The following CSMD2 variants were observed in gnomAD, a reference collection of about 807,000 sequenced individuals.
CSMD2 encodes CUB and sushi domain-containing protein 2.
In CSMD2, 130 loss-of-function variants were observed where a neutral mutation model predicts 398.5. The observed-to-expected ratio is 0.33, with a 90% CI of 0.28 to 0.38. The LOEUF (loss-of-function observed/expected upper bound fraction) is 0.38. Ranked by LOEUF, CSMD2 falls within the 10% of genes least tolerant of loss-of-function variation. The pLI, the probability that CSMD2 is intolerant of heterozygous loss-of-function variation, is 1.00. For synonymous variants in CSMD2, 1,828 were observed against 1,908.5 expected (o/e 0.96, Z 1.10); for missense variants, 3,829 against 4,764.9 (o/e 0.80, Z 5.78).
chr1:33,795,363 G>T (rs1654831213), intron 10 of CSMD2, among the ~76,000 whole-genome samples: 1 of 152,104 alleles, frequency 6.6e-6, no homozygotes, highest in Non-Finnish European at 1.5e-5. Context: ...CTCAGGCTGG[G>T]ATCTCCCACC....
At position 33,709,173 on chromosome 1, in the gene CSMD2, G is replaced by A. The variant is rs1310798170; in HGVS notation, c.3492C>T (p.Cys1164=). Residue 1164 remains cysteine (C), a synonymous_variant, in exon 22 of 71, where the codon TGC becomes TGT. Transcript: ENST00000373381. ...FPVNYNNNHE[C]IYSIQTQPGK... Reference sequence around the variant, plus strand: ...CTGGCTGGGTCTGGATGGAGTAGATGCATTCATGATTGTTATTGTAGTTCA... The same window carrying A: ...CTGGCTGGGTCTGGATGGAGTAGATACATTCATGATTGTTATTGTAGTTCA... The A allele has an allele frequency of 6.2e-7, 1 of 1,613,782 alleles. No individual in the cohort carries two copies. The highest frequency in any genetic ancestry group is 1.3e-5 in the African/African-American group (1 of 74,916).
intron 2 of CSMD2, among the ~76,000 whole-genome samples, chr1:34,083,918 G>C (rs1294181266): frequency 6.6e-6 from 1 of 152,002 alleles, no homozygotes; most frequent in Non-Finnish European, 1.5e-5. Context: ...GTAGAACAAT[G>C]CCTGATACAC....
chr1:33,938,783 C>T (rs1264701030), intron 3 of CSMD2, among the ~76,000 whole-genome samples: 1 of 151,604 alleles, frequency 6.6e-6, no homozygotes, highest in Non-Finnish European at 1.5e-5. Context: ...TCCCCTGCTG[C>T]TGGCTTACTT....
intron 3 of CSMD2, among the ~76,000 whole-genome samples, chr1:34,022,623 A>G (rs1649065723): frequency 6.6e-6 from 1 of 152,172 alleles, no homozygotes; most frequent in South Asian, 2.1e-4. Context: ...CAGAGAACAG[A>G]AGAGAAGAGT....
At position 33,826,981 on chromosome 1, in the gene CSMD2, C is replaced by A. The variant is rs111712038; in HGVS notation, c.1034-1207G>T. Among the ~76,000 whole-genome samples the A allele has an allele frequency of 9.3e-3, 1,416 of 152,330 alleles. 34 individuals carry two copies. Among genetic ancestry groups the A allele is most frequent in the Non-Finnish European group, 7.1e-3 (482 of 68,030 alleles). ...TGCTTTACAAGTTCTTTACTTAAAT[C>A]AGCGTCCTTGACTCCTCTTTCTCAA... On this transcript the variant is annotated intron_variant, in intron 6 of 70. Coordinates refer to ENST00000373381, the MANE Select transcript of CSMD2 (RefSeq NM_001281956.2).
In CSMD2 at chr1:33,622,389, G is replaced by A. The variant is rs1641828908; in HGVS notation, c.5723-118C>T. 5.6e-6 allele frequency: 4 copies of A among 718,462 alleles called. No individual in the cohort carries two copies. The South Asian group carries it at 6.3e-5, about 11-fold the overall frequency. 44.5% of individuals were successfully genotyped at this position (718,462 alleles called of 1,614,324 possible). A position where few individuals can be genotyped will look rare whatever the true frequency, so the allele number is the denominator to read the frequency against. ...CATTCTGCTCCCAAGGCCCCCAGATGTCCCCAGTTATGAAACTCACTAAAT... is the reference window on the plus strand; with the variant it reads ...CATTCTGCTCCCAAGGCCCCCAGATATCCCCAGTTATGAAACTCACTAAAT... On this transcript the variant is annotated intron_variant, in intron 36 of 70. Transcript: ENST00000373381.
chr1:33,646,484 T>C (rs1643434580), intron 29 of CSMD2, among the ~76,000 whole-genome samples, 164 bp downstream of exon 29: 1 of 152,098 alleles, frequency 6.6e-6, no homozygotes, highest in Non-Finnish European at 1.5e-5. Context: ...TAAGCCCAGA[T>C]GGGGGCCGCA....
At chr1:33,865,761 T>C (rs1389378090) in intron 5 of CSMD2, among the ~76,000 whole-genome samples, 2 of 152,240 alleles carry the variant, frequency 1.3e-5, no homozygotes, top group Non-Finnish European at 2.9e-5. Context: ...TCATTGAAGA[T>C]GAACAACACA....
chr1:33,643,051 C>A (rs1643202768), intron 29 of CSMD2, among the ~76,000 whole-genome samples: 1 of 152,278 alleles, frequency 6.6e-6, no homozygotes, highest in East Asian at 1.9e-4. Context: ...AGCCACAGCT[C>A]CCAGGATACC....
intron 13 of CSMD2, among the ~76,000 whole-genome samples, chr1:33,771,769 G>A (rs546960622): frequency 1.9e-3 from 296 of 152,302 alleles, no homozygotes; most frequent in African/African-American, 6.6e-3. Context: ...CTTTCCCTGA[G>A]AGAAGCACAT....
At chr1:33,990,914 C>T (rs1268636926) in intron 3 of CSMD2, among the ~76,000 whole-genome samples, 7 of 151,778 alleles carry the variant, frequency 4.6e-5, no homozygotes, top group African/African-American at 1.5e-4. Context: ...GTAAATATTG[C>T]ATGGGTCATA....
chr1:33,933,372 T>G (rs1644371204), intron 4 of CSMD2, among the ~76,000 whole-genome samples: 1 of 152,156 alleles, frequency 6.6e-6, no homozygotes, highest in Non-Finnish European at 1.5e-5. Flanking sequence ...TATTGCTGAG[T>G]ATTTTACTTC....
intron 47 of CSMD2, among the ~76,000 whole-genome samples, chr1:33,582,281 T>C (rs1638778016): frequency 1.3e-5 from 2 of 152,302 alleles, no homozygotes; most frequent in South Asian, 4.1e-4. Context: ...TGGGAGAGCC[T>C]GGCCTACGGG....
intron 3 of CSMD2, among the ~76,000 whole-genome samples, chr1:34,016,090 T>G (rs1466557218): frequency 3.3e-5 from 5 of 152,106 alleles, no homozygotes; most frequent in Non-Finnish European, 7.4e-5. Flanking sequence ...TTTATATACA[T>G]ATATTTAGTT....
chr1:34,165,832 C>G (rs780436373), upstream of CSMD2: 6 of 1,612,296 alleles, frequency 3.7e-6, no homozygotes, highest in South Asian at 1.1e-5. Context: ...GCCTCCTACC[C>G]CATCCCAGGA....
At chr1:33,710,399 C>CTGAA (rs10632721) in intron 21 of CSMD2, among the ~76,000 whole-genome samples, 7,872 of 151,912 alleles carry the variant, frequency 0.052, 529 homozygotes, top group African/African-American at 0.15. Context: ...TAAATATTTA[C>CTGAA]TGAATGAATG....
chr1:33,739,408 C>T (rs1646986152), intron 14 of CSMD2, 74 bp from the exon 15 acceptor site: 13 of 1,412,182 alleles, frequency 9.2e-6, no homozygotes, highest in Non-Finnish European at 1.2e-5. Context: ...AAATTAGCTT[C>T]CTTGGGATGG....
At chr1:34,104,892 TCA>T (rs1660375437) in intron 1 of CSMD2, among the ~76,000 whole-genome samples, 1 of 152,196 alleles carries the variant, frequency 6.6e-6, no homozygotes, top group African/African-American at 2.4e-5. Flanking sequence ...TGTGCCTCAG[TCA>T]CACCACTAAT....
At chr1:33,933,479 CAAAAAG>C (rs1168453188) in intron 4 of CSMD2, among the ~76,000 whole-genome samples, 7 of 151,956 alleles carry the variant, frequency 4.6e-5, no homozygotes, top group Non-Finnish European at 8.8e-5. Flanking sequence ...TATAGTGCTG[CAAAAAG>C]AAAAAGAACT....
Sources: gnomAD v4.1 joint callset for allele counts (sites outside exome capture counted in the v4.1 genomes callset) on GRCh38, gnomAD v4.1.1 for gene constraint, MANE v1.5 for transcripts, NCBI Gene and HGNC (gene_info 2026-07-23, HGNC 2026-07-21) for gene names.